TENM3: variants seen among roughly 807,000 people sequenced by gnomAD.
The protein encoded by TENM3 is teneurin transmembrane protein 3.
A neutral mutation model predicts 255.1 loss-of-function variants in TENM3; 63 were observed. That is an observed-to-expected ratio of 0.25 (90% CI 0.20 to 0.30). The LOEUF (loss-of-function observed/expected upper bound fraction) is 0.30, where lower values mean the gene tolerates loss of function less well. TENM3 is among the 10% of genes least tolerant of loss of function. The pLI is 1.00. For missense variants in TENM3, 2,929 were observed against 3,461.1 expected (o/e 0.85, Z 3.86); for synonymous variants, 1,306 against 1,322.3 (o/e 0.99, Z 0.27).
At chr4:181,609,489 T>A in the TENM3 span, among the ~76,000 whole-genome samples, 1 of 152,200 alleles carries the variant, frequency 6.6e-6, no homozygotes, top group African/African-American at 2.4e-5. Flanking sequence ...TTGTCTGACC[T>A]TTTTCTAGGA....
the TENM3 span, among the ~76,000 whole-genome samples, chr4:181,814,587 CGT>C: frequency 1.6e-3 from 239 of 149,184 alleles, no homozygotes; most frequent in East Asian, 0.015. Flanking sequence ...TTTTTAAATG[CGT>C]GTGTGTGTGT....
At chr4:181,574,943 T>G in the TENM3 span, among the ~76,000 whole-genome samples, 1 of 152,304 alleles carries the variant, frequency 6.6e-6, no homozygotes, top group East Asian at 1.9e-4. Context: ...TACATCAAGT[T>G]CTGTTTTTCA....
the TENM3 span, among the ~76,000 whole-genome samples, chr4:181,618,392 C>A: frequency 6.6e-6 from 1 of 152,180 alleles, no homozygotes; most frequent in South Asian, 2.1e-4. Flanking sequence ...TCCCATTGCT[C>A]GATCACTGCT....
the TENM3 span, among the ~76,000 whole-genome samples, chr4:181,606,507 T>G: frequency 6.6e-6 from 1 of 152,134 alleles, no homozygotes; most frequent in Admixed American, 6.5e-5. Flanking sequence ...TATGTGCATA[T>G]TCATTCATGA....
At chr4:182,251,659 C>A (rs781719921) in intron 1 of TENM3, among the ~76,000 whole-genome samples, 1 of 152,132 alleles carries the variant, frequency 6.6e-6, no homozygotes, top group East Asian at 1.9e-4. Flanking sequence ...CACTAGAATT[C>A]TATTCCCTCC....
the TENM3 span, among the ~76,000 whole-genome samples, chr4:181,977,207 C>T: frequency 6.6e-6 from 1 of 151,966 alleles, no homozygotes; most frequent in Admixed American, 6.6e-5. Flanking sequence ...TACCTACCCC[C>T]ATAGGATCGT....
chr4:182,363,383 A>G (rs552880153), intron 3 of TENM3, among the ~76,000 whole-genome samples: 1 of 151,962 alleles, frequency 6.6e-6, no homozygotes, highest in African/African-American at 2.4e-5. Context: ...GTGTGTATAT[A>G]TATGAATATG....
the TENM3 span, among the ~76,000 whole-genome samples, chr4:182,058,687 A>C: frequency 6.6e-6 from 1 of 152,204 alleles, no homozygotes; most frequent in African/African-American, 2.4e-5. Context: ...AAATTAATAA[A>C]TCTCTAGGAA....
chr4:182,440,930 G>C (rs1281242295), intron 3 of TENM3, among the ~76,000 whole-genome samples: 1 of 151,882 alleles, frequency 6.6e-6, no homozygotes, highest in Non-Finnish European at 1.5e-5. Flanking sequence ...CCATCACCCA[G>C]GTATTAAGCC....
At chr4:181,448,207 C>T in the TENM3 span, among the ~76,000 whole-genome samples, 7 of 127,610 alleles carry the variant, frequency 5.5e-5, no homozygotes, top group Non-Finnish European at 9.3e-5. Flanking sequence ...CGCTCTGTCG[C>T]CCAGGCTGGA....
chr4:181,854,226 G>A, the TENM3 span, among the ~76,000 whole-genome samples: 2 of 152,134 alleles, frequency 1.3e-5, no homozygotes, highest in Admixed American at 6.5e-5. Context: ...CTGGATGGAA[G>A]TTTTATCAAA....
intron 22 of TENM3, among the ~76,000 whole-genome samples, chr4:182,768,286 A>C (rs1763889617): frequency 6.6e-6 from 1 of 152,198 alleles, no homozygotes; most frequent in African/African-American, 2.4e-5. Flanking sequence ...CAAAGACGAT[A>C]AATACTCCTG....
At chr4:182,328,005 C>G (rs1179495332) in intron 2 of TENM3, among the ~76,000 whole-genome samples, 6 of 152,266 alleles carry the variant, frequency 3.9e-5, no homozygotes, top group African/African-American at 1.4e-4. Flanking sequence ...GAGGGTGAAC[C>G]TTGAAAAGAG....
chr4:182,447,000 A>G (rs1772975366), intron 3 of TENM3, among the ~76,000 whole-genome samples: 1 of 152,292 alleles, frequency 6.6e-6, no homozygotes. Context: ...GCAGTGCCCA[A>G]CAACATACCT....
the TENM3 span, among the ~76,000 whole-genome samples, chr4:181,694,259 G>A: frequency 6.6e-6 from 1 of 152,162 alleles, no homozygotes; most frequent in African/African-American, 2.4e-5. Flanking sequence ...TTTGGCTCCA[G>A]GTCTGCTGCT....
At chr4:181,473,369 C>A in the TENM3 span, among the ~76,000 whole-genome samples, 1 of 152,192 alleles carries the variant, frequency 6.6e-6, no homozygotes, top group Non-Finnish European at 1.5e-5. Context: ...GGGAGGATCT[C>A]TTGAGCCCAG....
chr4:181,928,036 A>C, the TENM3 span, among the ~76,000 whole-genome samples: 1 of 152,196 alleles, frequency 6.6e-6, no homozygotes, highest in East Asian at 1.9e-4. Context: ...CACCAACATC[A>C]AAGACCAAAA....
At chr4:182,148,187 T>C (rs1470672927) in intron 1 of TENM3, among the ~76,000 whole-genome samples, 2 of 152,250 alleles carry the variant, frequency 1.3e-5, no homozygotes, top group African/African-American at 4.8e-5. Flanking sequence ...TGCGTTCATT[T>C]TGAGTGCTGT....
At chr4:181,636,752 C>T in the TENM3 span, among the ~76,000 whole-genome samples, 5 of 152,300 alleles carry the variant, frequency 3.3e-5, no homozygotes, top group South Asian at 6.2e-4. Flanking sequence ...TTTCCCTCTT[C>T]GGTTTATCCT....
Sources: gnomAD v4.1 joint callset for allele counts (sites outside exome capture counted in the v4.1 genomes callset) on GRCh38, gnomAD v4.1.1 for gene constraint, MANE v1.5 for transcripts, NCBI Gene and HGNC (gene_info 2026-07-23, HGNC 2026-07-21) for gene names.